POGZ: variants seen among roughly 807,000 people sequenced by gnomAD.
POGZ encodes pogo transposable element with ZNF domain.
POGZ carries 17 observed loss-of-function variants against 134.6 expected under a neutral mutation model. The ratio of observed to expected loss-of-function variants is 0.13; its 90% confidence interval spans 0.09 to 0.19. The LOEUF (loss-of-function observed/expected upper bound fraction) is 0.19. Among genes scored for constraint, POGZ ranks in the 10% least tolerant of loss-of-function variants. The pLI is 1.00. For missense variants in POGZ, 1,306 were observed against 1,769.7 expected (o/e 0.74, Z 4.70); for synonymous variants, 693 against 657.1 (o/e 1.05, Z -0.84).
intron 10 of POGZ, among the ~76,000 whole-genome samples, chr1:151,422,118 G>A (rs1657016333): frequency 6.6e-6 from 1 of 152,164 alleles, no homozygotes; most frequent in Admixed American, 6.6e-5. Context: ...ATATGCATAT[G>A]TCTTCTATGC....
rs944145633 is a variant in POGZ at position 151,403,658 on chromosome 1, T to C, written c.*1144A>G. 2.0e-6 allele frequency: 2 copies of C among 985,806 alleles called. No homozygotes were observed. The highest frequency in any genetic ancestry group is 2.4e-6 in the Non-Finnish European group (2 of 829,844). The allele number at this position is 985,806 out of a possible 1,614,324, so 61.1% of individuals were successfully genotyped here. ...GTCATTTTCTTTGTGCACACCCCTG[T>C]GCGCTTCTTCCTGTCAGATTCTTCC... On this transcript the variant is annotated 3_prime_UTR_variant, in exon 19 of 19. Transcript: ENST00000271715.
intron 3 of POGZ, chr1:151,438,870 C>T (rs1660060155): frequency 6.6e-6 from 1 of 151,932 alleles, no homozygotes; most frequent in South Asian, 2.1e-4. Flanking sequence ...AAGTGAGATC[C>T]CGTCTCAGGG....
chr1:151,427,168 C>A (rs1453521504), intron 7 of POGZ: 4 of 151,684 alleles, frequency 2.6e-5, no homozygotes, highest in Admixed American at 2.6e-4. Context: ...GTCTTGGCCT[C>A]CCATAATGCT....
intron 1 of POGZ, among the ~76,000 whole-genome samples, chr1:151,454,473 A>C (rs1445148803): frequency 1.3e-5 from 2 of 152,192 alleles, no homozygotes; most frequent in African/African-American, 4.8e-5. Flanking sequence ...CATATGTAAG[A>C]ATCATAAGGG....
chr1:151,446,269 A>C (rs4971045), intron 1 of POGZ, among the ~76,000 whole-genome samples: 15,455 of 134,564 alleles, frequency 0.11, 1,964 homozygotes, highest in East Asian at 0.41. Flanking sequence ...AAAAAAAAAA[A>C]AAAAACGAAT....
At chr1:151,451,127 C>G (rs974427742) in intron 1 of POGZ, 2 of 151,724 alleles carry the variant, frequency 1.3e-5, no homozygotes, top group African/African-American at 4.8e-5. Context: ...GAGGCTGAGA[C>G]AGGAGACTGC....
At chr1:151,415,759 C>A (rs1655532930) in intron 10 of POGZ, among the ~76,000 whole-genome samples, 1 of 151,422 alleles carries the variant, frequency 6.6e-6, no homozygotes, top group South Asian at 2.1e-4. Flanking sequence ...ACAGTCTTAA[C>A]CATTTTTTAG....
chr1:151,422,565 G>A (rs1360330098), intron 10 of POGZ, among the ~76,000 whole-genome samples: 2 of 151,990 alleles, frequency 1.3e-5, no homozygotes, highest in Non-Finnish European at 2.9e-5. Context: ...TGAAAGCACT[G>A]TCTTAATGAT....
chr1:151,406,263 C>A lies in POGZ; in HGVS notation c.2772G>T (p.Pro924=), dbSNP rs752947232. 1.4e-5 allele frequency: 23 copies of A among 1,612,886 alleles called. No homozygotes were observed. Among genetic ancestry groups the A allele is most frequent in the East Asian group, 2.2e-5 (1 of 44,878 alleles). Residue 924 remains proline (P), a synonymous_variant, in exon 19 of 19, where the codon CCG becomes CCT. Transcript: ENST00000271715. ...CCAGCGGTGGAAGGGCTAAAGCCTG[C>A]GGGTGAGTGGGGGTTGGTGGTGGGG... is the stretch of plus-strand genomic sequence containing the variant. ...TATPPPTPTH[P]QALALPPLAT...
chr1:151,441,114 T>G (rs760153057), intron 2 of POGZ, 28 bp from the exon 3 acceptor site: 15 of 1,600,810 alleles, frequency 9.4e-6, no homozygotes, highest in Non-Finnish European at 1.3e-5. Context: ...CATAGTCACT[T>G]GGAGACAGGG....
At chr1:151,414,511 G>A (rs987804183) in intron 10 of POGZ, among the ~76,000 whole-genome samples, 5 of 152,222 alleles carry the variant, frequency 3.3e-5, no homozygotes, top group African/African-American at 7.2e-5. Context: ...GGCTGGGCAC[G>A]GTGGCTCATG....
intron 3 of POGZ, 32 bp from the exon 4 acceptor site, chr1:151,430,873 A>G: frequency 6.8e-7 from 1 of 1,472,032 alleles, no homozygotes; most frequent in Non-Finnish European, 9.1e-7. Flanking sequence ...AAAAAAAGGA[A>G]TGTTAGAAAC....
At position 151,406,464 on chromosome 1, in the gene POGZ, C is replaced by A. The variant is rs1450277806; in HGVS notation, c.2571G>T (p.Arg857Ser). 3 of 1,553,714 alleles carry A rather than the reference C, an allele frequency of 1.9e-6. No individual in the cohort carries two copies. The highest frequency in any genetic ancestry group is 2.6e-6 in the Non-Finnish European group (3 of 1,154,448). The change falls in exon 19 of 19, where the codon AGG becomes AGT. Residue 857 changes from arginine (R) to serine (S), a missense_variant and splice_region_variant. Coordinates refer to ENST00000271715, the MANE Select transcript of POGZ (RefSeq NM_015100.4). ...GCACTCGGTCACGAGTCTGGCCATG[C>A]CTAAAGGGGTGAGGAGCAAAGAGAA... ...PRGLTWIAHSRHGQTRDRVHD... is the reference protein window; with the variant it reads ...PRGLTWIAHSSHGQTRDRVHD...
chr1:151,458,724 G>A (rs1409704302), intron 1 of POGZ, among the ~76,000 whole-genome samples: 1 of 143,022 alleles, frequency 7.0e-6, no homozygotes, highest in Non-Finnish European at 1.5e-5. Flanking sequence ...GCCACCGCCC[G>A]CGCCCGCGCC....
chr1:151,442,032 T>C (rs747668615), intron 2 of POGZ, 49 bp downstream of exon 2: 12 of 1,397,744 alleles, frequency 8.6e-6, no homozygotes, highest in African/African-American at 1.4e-5. Flanking sequence ...CAAAATACCA[T>C]TCAATTTAAT....
intron 2 of POGZ, 100 bp from the exon 3 acceptor site, chr1:151,441,186 A>G: frequency 1.1e-6 from 1 of 911,646 alleles, no homozygotes; most frequent in South Asian, 2.1e-5. Flanking sequence ...GGGTCTCTAT[A>G]GCCAAAAAGT....
intron 3 of POGZ, among the ~76,000 whole-genome samples, chr1:151,438,654 G>T (rs575886714): frequency 6.6e-6 from 1 of 152,264 alleles, no homozygotes; most frequent in African/African-American, 2.4e-5. Flanking sequence ...AAGGAGGGAG[G>T]ATCGCTTGAG....
Position 151,404,680 on chromosome 1 carries a change from T to G in POGZ, c.*122A>C. ...GTAAGTCAACTTCAGGGGGGAGTGG[T>G]GGTATAAAATTAAAAAATAGAAACC... On this transcript the variant is annotated 3_prime_UTR_variant, in exon 19 of 19. Coordinates refer to ENST00000271715, the MANE Select transcript of POGZ (RefSeq NM_015100.4). 4.9e-6 allele frequency: 7 copies of G among 1,419,410 alleles called. No individual in the cohort carries two copies. Among genetic ancestry groups the G allele is most frequent in the Non-Finnish European group, 5.5e-6 (6 of 1,090,212 alleles). 87.9% of individuals were successfully genotyped at this position (1,419,410 alleles called of 1,614,324 possible).
chr1:151,453,908 A>T (rs563238512), intron 1 of POGZ, among the ~76,000 whole-genome samples: 12 of 152,306 alleles, frequency 7.9e-5, no homozygotes, highest in Admixed American at 7.2e-4. Context: ...AAGCAGCAAA[A>T]AGAATCCTGC....
Sources: gnomAD v4.1 joint callset for allele counts (sites outside exome capture counted in the v4.1 genomes callset) on GRCh38, gnomAD v4.1.1 for gene constraint, MANE v1.5 for transcripts, NCBI Gene and HGNC (gene_info 2026-07-23, HGNC 2026-07-21) for gene names.